RABGAP1L: variants seen among roughly 807,000 people sequenced by gnomAD.
RABGAP1L encodes RAB GTPase activating protein 1 like, also known as rab GTPase-activating protein 1-like.
In RABGAP1L, 63 loss-of-function variants were observed where a neutral mutation model predicts 137.7. The observed-to-expected ratio is 0.46, with a 90% CI of 0.37 to 0.56. The LOEUF (loss-of-function observed/expected upper bound fraction) is 0.56. Among genes scored for constraint, RABGAP1L ranks in the 20% least tolerant of loss-of-function variants. RABGAP1L has a pLI of 0.00. For missense variants in RABGAP1L, 1,095 were observed against 1,244.0 expected (o/e 0.88, Z 1.80); for synonymous variants, 431 against 433.7 (o/e 0.99, Z 0.08).
chr1:174,779,832 T>A (rs1389610943), intron 18 of RABGAP1L, among the ~76,000 whole-genome samples: 2 of 152,006 alleles, frequency 1.3e-5, no homozygotes, highest in African/African-American at 4.8e-5. Flanking sequence ...ATTTAAACAA[T>A]CATATCCTGG....
chr1:174,238,810 C>A (rs12091012), intron 4 of RABGAP1L: 1 of 150,684 alleles, frequency 6.6e-6, no homozygotes, highest in Non-Finnish European at 1.5e-5. Flanking sequence ...TTCGAGCTTC[C>A]CGGCTGCTTT....
chr1:174,911,405 A>G (rs963250022), intron 19 of RABGAP1L, among the ~76,000 whole-genome samples: 1 of 152,202 alleles, frequency 6.6e-6, no homozygotes, highest in African/African-American at 2.4e-5. Flanking sequence ...ATTTGTGTGA[A>G]TTGAATAACT....
intron 11 of RABGAP1L, among the ~76,000 whole-genome samples, chr1:174,348,440 T>TA (rs1369961863): frequency 2.0e-5 from 3 of 147,106 alleles, no homozygotes; most frequent in East Asian, 3.9e-4. Context: ...TCTATTTATT[T>TA]TTTATTTATT....
Position 174,552,855 on chromosome 1 carries a change from G to A in RABGAP1L, c.1711-84520G>A, listed in dbSNP as rs531906421. Among the ~76,000 whole-genome samples, 22 of 152,228 alleles carry A rather than the reference G, an allele frequency of 1.4e-4. No homozygotes were observed. In the South Asian group the frequency reaches 1.5e-3, roughly 10 times the overall value. Reference sequence around the variant, plus strand: ...ACACTCCCATCAACAGTGTATAAGCGTTCGTTTGTCTCCATAACCTCACCA... The same window carrying A: ...ACACTCCCATCAACAGTGTATAAGCATTCGTTTGTCTCCATAACCTCACCA... On this transcript the variant is annotated intron_variant, in intron 13 of 25. Coordinates refer to ENST00000681986, the MANE Select transcript of RABGAP1L (RefSeq NM_001366446.1).
chr1:174,590,356 T>C (rs10465510), intron 13 of RABGAP1L, among the ~76,000 whole-genome samples: 1 of 147,732 alleles, frequency 6.8e-6, no homozygotes, highest in Non-Finnish European at 1.5e-5. Flanking sequence ...TTATTTATTT[T>C]TTTTTTATTA....
chr1:174,782,666 G>A (rs1014603093), intron 18 of RABGAP1L, among the ~76,000 whole-genome samples: 10 of 152,156 alleles, frequency 6.6e-5, no homozygotes, highest in South Asian at 2.1e-4. Flanking sequence ...TGTGGGTACC[G>A]TGGATTGAGC....
intron 11 of RABGAP1L, among the ~76,000 whole-genome samples, chr1:174,314,870 GT>G (rs1016973391): frequency 3.3e-5 from 5 of 151,918 alleles, no homozygotes; most frequent in African/African-American, 9.7e-5. Context: ...TATTATTTCA[GT>G]TTTTTTGGAA....
At chr1:174,205,149 G>C (rs1327443791) in intron 1 of RABGAP1L, among the ~76,000 whole-genome samples, 1 of 152,136 alleles carries the variant, frequency 6.6e-6, no homozygotes, top group African/African-American at 2.4e-5. Context: ...TGGAGATGAA[G>C]GCTGCTTGAT....
intron 19 of RABGAP1L, among the ~76,000 whole-genome samples, chr1:174,931,648 C>T (rs1204252989): frequency 6.6e-6 from 1 of 152,150 alleles, no homozygotes; most frequent in East Asian, 1.9e-4. Context: ...GTAGCCATCT[C>T]AAGTTCAGTT....
At chr1:174,510,282 T>G (rs1455038912) in intron 13 of RABGAP1L, among the ~76,000 whole-genome samples, 1 of 152,216 alleles carries the variant, frequency 6.6e-6, no homozygotes, top group African/African-American at 2.4e-5. Flanking sequence ...ATACGTAACC[T>G]TCATGAGGGC....
intron 12 of RABGAP1L, among the ~76,000 whole-genome samples, chr1:174,378,825 C>G (rs1360394109): frequency 8.1e-6 from 1 of 122,774 alleles, no homozygotes; most frequent in Non-Finnish European, 1.8e-5. Context: ...CTTTTGTTGC[C>G]ATTGCTTTTG....
At chr1:174,866,373 T>C (rs1651253092) in intron 19 of RABGAP1L, among the ~76,000 whole-genome samples, 1 of 152,220 alleles carries the variant, frequency 6.6e-6, no homozygotes, top group South Asian at 2.1e-4. Context: ...TTTAGAATTA[T>C]GAAAATCTTT....
At chr1:174,159,929 T>A (rs1296160229) in intron 1 of RABGAP1L, 1 of 152,074 alleles carries the variant, frequency 6.6e-6, no homozygotes, top group East Asian at 1.9e-4. Context: ...GGGGGTGGGG[T>A]AGTGGCTTTG....
chr1:174,172,443 T>C (rs1230736913), intron 1 of RABGAP1L, among the ~76,000 whole-genome samples: 2 of 152,198 alleles, frequency 1.3e-5, no homozygotes, highest in Non-Finnish European at 1.5e-5. Flanking sequence ...TTCCGTAATG[T>C]CTGTGTAGCA....
At chr1:174,590,131 T>C (rs966941675) in intron 13 of RABGAP1L, among the ~76,000 whole-genome samples, 3 of 111,812 alleles carry the variant, frequency 2.7e-5, no homozygotes, top group South Asian at 5.7e-4. Context: ...TTCTTTTTTT[T>C]TTTTTTTTTT....
chr1:174,544,023 T>G (rs1665750739), intron 13 of RABGAP1L, among the ~76,000 whole-genome samples: 1 of 152,208 alleles, frequency 6.6e-6, no homozygotes, highest in African/African-American at 2.4e-5. Context: ...TGGCTGCCCT[T>G]AACATTTTTT....
chr1:174,601,537 C>A (rs1208356379), intron 13 of RABGAP1L, among the ~76,000 whole-genome samples: 1 of 152,016 alleles, frequency 6.6e-6, no homozygotes, highest in African/African-American at 2.4e-5. Context: ...AGGAGAAATA[C>A]CTAATGTAAA....
chr1:174,436,606 G>A (rs1190346814), intron 13 of RABGAP1L, among the ~76,000 whole-genome samples: 1 of 152,124 alleles, frequency 6.6e-6, no homozygotes, highest in Non-Finnish European at 1.5e-5. Flanking sequence ...TTTGTAGGTT[G>A]CCTGTTCACT....
chr1:174,617,080 G>T (rs551828713), intron 13 of RABGAP1L, among the ~76,000 whole-genome samples: 1 of 152,258 alleles, frequency 6.6e-6, no homozygotes, highest in East Asian at 1.9e-4. Flanking sequence ...AATATACTGT[G>T]TCCAGCAGCT....
Sources: gnomAD v4.1 joint callset for allele counts (sites outside exome capture counted in the v4.1 genomes callset) on GRCh38, gnomAD v4.1.1 for gene constraint, MANE v1.5 for transcripts, NCBI Gene and HGNC (gene_info 2026-07-23, HGNC 2026-07-21) for gene names.